HIPK2: variants seen among roughly 807,000 people sequenced by gnomAD.
HIPK2 encodes homeodomain-interacting protein kinase 2.
A neutral mutation model predicts 113.7 loss-of-function variants in HIPK2; 27 were observed. That is an observed-to-expected ratio of 0.24 (90% confidence interval 0.17 to 0.33). The LOEUF (loss-of-function observed/expected upper bound fraction) is 0.33. HIPK2 is among the 10% of genes least tolerant of loss of function. HIPK2 has a pLI of 1.00. For synonymous variants in HIPK2, 631 were observed against 642.2 expected, an observed-to-expected ratio of 0.98 and a Z score of 0.26; for missense variants, 1,257 against 1,588.0, an observed-to-expected ratio of 0.79 and a Z score of 3.54.
At chr7:139,660,226 T>C (rs1373173490) in intron 2 of HIPK2, among the ~76,000 whole-genome samples, 2 of 152,160 alleles carry the variant, frequency 1.3e-5, no homozygotes, top group Non-Finnish European at 2.9e-5. Context: ...TTGGGGAAAA[T>C]GGCAAAGCCT....
intron 2 of HIPK2, among the ~76,000 whole-genome samples, chr7:139,695,062 G>A (rs1794523984): frequency 6.6e-6 from 1 of 152,194 alleles, no homozygotes. Flanking sequence ...TCTTGCCTCT[G>A]GCTGCGAGGT....
intron 6 of HIPK2, among the ~76,000 whole-genome samples, chr7:139,622,533 G>A (rs553446239): frequency 6.6e-6 from 1 of 152,280 alleles, no homozygotes; most frequent in South Asian, 2.1e-4. Flanking sequence ...TTTAGGAAAG[G>A]GCAAGTCCTT....
chr7:139,736,786 C>T (rs190499429), intron 1 of HIPK2, among the ~76,000 whole-genome samples: 42 of 152,346 alleles, frequency 2.8e-4, no homozygotes, highest in Non-Finnish European at 5.3e-4. Flanking sequence ...TAGGGTGCCT[C>T]ATGTTACGCA....
intron 2 of HIPK2, among the ~76,000 whole-genome samples, chr7:139,633,095 C>CAAAAAAA (rs942820284): frequency 2.7e-4 from 20 of 74,608 alleles, no homozygotes; most frequent in African/African-American, 6.7e-4. Flanking sequence ...GACCCTGTCT[C>CAAAAAAA]AAAAAAAAAA....
intron 7 of HIPK2, among the ~76,000 whole-genome samples, chr7:139,618,305 T>G (rs1463090052): frequency 6.6e-6 from 1 of 152,032 alleles, no homozygotes; most frequent in Non-Finnish European, 1.5e-5. Context: ...CATGCCTTAG[T>G]GCTTAAGGCT....
intron 1 of HIPK2, among the ~76,000 whole-genome samples, chr7:139,721,503 A>T (rs1302605583): frequency 1.3e-5 from 2 of 151,958 alleles, no homozygotes; most frequent in East Asian, 1.9e-4. Context: ...GCAGAGGGGG[A>T]CTCAATGTTT....
intron 1 of HIPK2, 120 bp from the exon 2 acceptor site, chr7:139,717,135 GAAAAC>G: frequency 1.6e-6 from 2 of 1,280,506 alleles, no homozygotes; most frequent in Non-Finnish European, 2.1e-6. Context: ...CCTCCCACTT[GAAAAC>G]AAGGTTGAAA....
At position 139,565,274 on chromosome 7, in the gene HIPK2, C is replaced by T. The variant is rs527956335; in HGVS notation, c.*7653G>A. 1 of 151,910 alleles carries T rather than the reference C, an allele frequency of 6.6e-6. No individual in the cohort carries two copies. The highest frequency in any genetic ancestry group is 1.5e-5 in the Non-Finnish European group (1 of 67,978). 9.4% of individuals were successfully genotyped at this position (151,910 alleles called of 1,614,324 possible). ...TATTGAAACCAACCAGGATCTCAAACTCCGATTAGTTAGGTTTGCTTCCAA... is the reference window on the plus strand; with the variant it reads ...TATTGAAACCAACCAGGATCTCAAATTCCGATTAGTTAGGTTTGCTTCCAA... On this transcript the variant is annotated 3_prime_UTR_variant, in exon 15 of 15. Coordinates refer to ENST00000406875, the MANE Select transcript of HIPK2 (RefSeq NM_022740.5).
At position 139,571,691 on chromosome 7, in the gene HIPK2, G is replaced by A. The variant is rs905587773; in HGVS notation, c.*1236C>T. 2.6e-5 allele frequency: 4 copies of A among 152,286 alleles called. No individual in the cohort carries two copies. In the South Asian group the frequency reaches 8.3e-4, roughly 32 times the overall value. The allele number at this position is 152,286 out of a possible 1,614,324, so 9.4% of individuals were successfully genotyped here. On this transcript the variant is annotated 3_prime_UTR_variant, in exon 15 of 15. Transcript: ENST00000406875. The stretch of plus-strand genomic sequence containing the variant: ...GAAAAAAAAAAGGCCAGCGTAAACT[G>A]TTACAACAGCACAACAGAAGAGCTG...
intron 9 of HIPK2, among the ~76,000 whole-genome samples, chr7:139,612,458 T>C (rs1326155072): frequency 6.6e-6 from 1 of 152,172 alleles, no homozygotes; most frequent in Non-Finnish European, 1.5e-5. Flanking sequence ...TGTTACCTAA[T>C]TGTTGTGTGA....
intron 7 of HIPK2, among the ~76,000 whole-genome samples, chr7:139,618,419 T>C (rs1334177495): frequency 1.3e-5 from 2 of 152,158 alleles, no homozygotes; most frequent in Non-Finnish European, 2.9e-5. Flanking sequence ...CCTTTGCTTT[T>C]GTGGGATGTC....
intron 12 of HIPK2, 158 bp from the exon 13 acceptor site, chr7:139,584,222 A>C (rs886903051): frequency 1.6e-5 from 8 of 485,000 alleles, no homozygotes; most frequent in Middle Eastern, 9.9e-4. Context: ...CTGGGCATGC[A>C]AAAGTCCCCT....
At chr7:139,580,346 G>A (rs1364415441) in intron 13 of HIPK2, among the ~76,000 whole-genome samples, 1 of 152,208 alleles carries the variant, frequency 6.6e-6, no homozygotes, top group Non-Finnish European at 1.5e-5. Flanking sequence ...ATGGGGACAG[G>A]AGATGGGGGT....
chr7:139,662,662 C>G (rs1412981629), intron 2 of HIPK2, among the ~76,000 whole-genome samples: 2 of 151,076 alleles, frequency 1.3e-5, no homozygotes, highest in South Asian at 4.2e-4. Flanking sequence ...CTCTGTCACC[C>G]AGGCTGGAGC....
chr7:139,602,804 A>AC (rs1799482870), intron 10 of HIPK2, among the ~76,000 whole-genome samples: 1 of 152,208 alleles, frequency 6.6e-6, no homozygotes, highest in Admixed American at 6.5e-5. Context: ...ATATAGGCCA[A>AC]GTGCTTTGTA....
At chr7:139,736,930 T>TA in intron 1 of HIPK2, among the ~76,000 whole-genome samples, 1 of 152,312 alleles carries the variant, frequency 6.6e-6, no homozygotes, top group East Asian at 1.9e-4. Context: ...GGCCCAGCGC[T>TA]AAGAGTCTTC....
At chr7:139,655,936 A>G (rs1257251752) in intron 2 of HIPK2, among the ~76,000 whole-genome samples, 1 of 152,066 alleles carries the variant, frequency 6.6e-6, no homozygotes, top group Non-Finnish European at 1.5e-5. Context: ...ACACATCACC[A>G]CCAAGCTGCT....
chr7:139,664,759 C>T (rs1442823558), intron 2 of HIPK2, among the ~76,000 whole-genome samples: 1 of 152,156 alleles, frequency 6.6e-6, no homozygotes, highest in Non-Finnish European at 1.5e-5. Flanking sequence ...CTTAGGTGCC[C>T]CTTTGACTTT....
At chr7:139,689,283 C>T (rs1207525175) in intron 2 of HIPK2, among the ~76,000 whole-genome samples, 1 of 152,150 alleles carries the variant, frequency 6.6e-6, no homozygotes, top group Non-Finnish European at 1.5e-5. Context: ...TTGGCGTTAA[C>T]AGGGCTGCCT....
Sources: allele counts gnomAD v4.1 joint callset (sites outside exome capture counted in the v4.1 genomes callset), GRCh38; gene constraint gnomAD v4.1.1; transcripts MANE v1.5; gene names NCBI Gene and HGNC (gene_info 2026-07-23, HGNC 2026-07-21).